Variants in ZFHX3 observed in about 807,000 individuals in gnomAD.
The protein encoded by ZFHX3 is zinc finger homeobox protein 3.
ZFHX3 carries 42 observed loss-of-function variants against 279.1 expected under a neutral mutation model. The ratio of observed to expected loss-of-function variants is 0.15; its 90% confidence interval spans 0.12 to 0.19. ZFHX3 has a LOEUF of 0.19. Ranked by LOEUF, ZFHX3 falls within the 10% of genes least tolerant of loss-of-function variation. The pLI is 1.00. For synonymous variants in ZFHX3, 2,293 were observed against 1,957.8 expected (o/e 1.17, Z -4.52); for missense variants, 4,981 against 4,754.0 (o/e 1.05, Z -1.40).
At chr16:73,456,069 A>C (rs1234149981) in exon 3 of ZFHX3, 1 of 152,138 alleles carries the variant, frequency 6.6e-6, no homozygotes, top group Non-Finnish European at 1.5e-5. Flanking sequence ...AAAATGTCCA[A>C]ACAAGAATAG....
chr16:73,469,152 G>C (rs1394046948), intron 2 of ZFHX3, among the ~76,000 whole-genome samples: 1 of 152,194 alleles, frequency 6.6e-6, no homozygotes, highest in Non-Finnish European at 1.5e-5. Flanking sequence ...CCTCGACCTT[G>C]ATAGATAATC....
intron 3 of ZFHX3, among the ~76,000 whole-genome samples, chr16:72,921,410 C>G (rs7202595): frequency 0.32 from 48,410 of 152,096 alleles, 8,308 homozygotes; most frequent in African/African-American, 0.42. Context: ...TATCGCTCAG[C>G]ATGAAGGAGA....
intron 1 of ZFHX3, among the ~76,000 whole-genome samples, chr16:73,712,194 A>C (rs750143844): frequency 2.0e-5 from 3 of 151,996 alleles, no homozygotes; most frequent in African/African-American, 4.8e-5. Flanking sequence ...TGTGAGGTTG[A>C]GCTTGTGCTC....
At chr16:73,813,055 T>C (rs947862029) in intron 1 of ZFHX3, among the ~76,000 whole-genome samples, 5 of 152,234 alleles carry the variant, frequency 3.3e-5, no homozygotes, top group African/African-American at 9.6e-5. Flanking sequence ...CTACTTTAAA[T>C]AGAGCTGGAA....
rs559604406 is a variant in ZFHX3 at position 73,513,390 on chromosome 16, A to G, written c.-1546-57132T>C. 2.6e-5 allele frequency among the ~76,000 whole-genome samples: 4 copies of G among 152,336 alleles called. 1 individual carries two copies. In the East Asian group the frequency reaches 7.7e-4, roughly 29 times the overall value. On this transcript the variant is annotated intron_variant, in intron 2 of 17. Transcript: ENST00000641206. ...CTCCAGAACAGGAGGCCAGATCCTC[A>G]TGTTGACTGAATCTGTTGCACTGAC...
intron 5 of ZFHX3, among the ~76,000 whole-genome samples, chr16:73,221,922 G>T (rs1472799705): frequency 1.3e-5 from 2 of 151,866 alleles, no homozygotes; most frequent in African/African-American, 2.4e-5. Flanking sequence ...ATGTATTATT[G>T]TACAGACATA....
intron 2 of ZFHX3, among the ~76,000 whole-genome samples, chr16:73,606,277 G>A (rs2052181854): frequency 6.6e-6 from 1 of 150,884 alleles, no homozygotes; most frequent in Non-Finnish European, 1.5e-5. Flanking sequence ...GGAGGCCGAG[G>A]TGGGCAGGTC....
chr16:73,092,362 C>A (rs946478661), intron 8 of ZFHX3: 1 of 152,416 alleles, frequency 6.6e-6, no homozygotes, highest in South Asian at 2.1e-4. Flanking sequence ...TTTAAGACAG[C>A]CTGGTGAGGC....
At chr16:72,858,469 A>G (rs1210464482) in intron 4 of ZFHX3, among the ~76,000 whole-genome samples, 1 of 152,198 alleles carries the variant, frequency 6.6e-6, no homozygotes, top group Non-Finnish European at 1.5e-5. Context: ...GTGAAAATAA[A>G]GAGAGAGTCG....
At chr16:73,449,580 C>T (rs1156957183) in intron 3 of ZFHX3, among the ~76,000 whole-genome samples, 2 of 152,076 alleles carry the variant, frequency 1.3e-5, no homozygotes, top group African/African-American at 2.4e-5. Context: ...CAATGAAGAA[C>T]ATGAATCTAA....
At chr16:73,144,844 T>C (rs1845784012) in intron 5 of ZFHX3, among the ~76,000 whole-genome samples, 2 of 152,196 alleles carry the variant, frequency 1.3e-5, no homozygotes, top group African/African-American at 4.8e-5. Context: ...AACTGTGTTA[T>C]AAAGCACATC....
chr16:73,156,521 G>A (rs1258986886), intron 5 of ZFHX3, among the ~76,000 whole-genome samples: 5 of 152,052 alleles, frequency 3.3e-5, no homozygotes, highest in African/African-American at 1.2e-4. Flanking sequence ...CTAAGCCTTC[G>A]CTCCTGGTCT....
In ZFHX3 at chr16:73,485,221, T is replaced by C. The variant is rs1424144141; in HGVS notation, c.-1546-28963A>G. Among the ~76,000 whole-genome samples the C allele has an allele frequency of 2.0e-5, 3 of 152,048 alleles. No individual in the cohort carries two copies. The East Asian group carries it at 5.8e-4, about 29-fold the overall frequency. ...ACAATGTCAGTGCAGGTGGGACCAA[T>C]GGGTGACTTCAGGAATGGAGTGAGG... On this transcript the variant is annotated intron_variant, in intron 2 of 17. Transcript: ENST00000641206.
chr16:72,911,980 T>C (rs2039330190), intron 3 of ZFHX3, among the ~76,000 whole-genome samples: 1 of 152,220 alleles, frequency 6.6e-6, no homozygotes, highest in South Asian at 2.1e-4. Context: ...ATGTAGACGC[T>C]GTCTAGGGAA....
At chr16:73,663,243 G>A (rs2052803591) in intron 2 of ZFHX3, among the ~76,000 whole-genome samples, 1 of 152,106 alleles carries the variant, frequency 6.6e-6, no homozygotes. Flanking sequence ...TCAGTAGCTT[G>A]CTTCCCATCT....
At chr16:73,111,791 C>T (rs1966377892) in intron 7 of ZFHX3, among the ~76,000 whole-genome samples, 1 of 152,048 alleles carries the variant, frequency 6.6e-6, no homozygotes, top group African/African-American at 2.4e-5. Flanking sequence ...ATTCGCCGTG[C>T]ACCTAACACA....
At chr16:73,109,869 A>AACAAAAACAAAC (rs1460583152) in intron 7 of ZFHX3, among the ~76,000 whole-genome samples, 1 of 151,766 alleles carries the variant, frequency 6.6e-6, no homozygotes, top group Middle Eastern at 3.4e-3. Context: ...CAAAAACAAA[A>AACAAAAACAAAC]ACAAAAACAA....
At chr16:72,830,925 C>G (rs2037045821) in intron 4 of ZFHX3, among the ~76,000 whole-genome samples, 1 of 152,230 alleles carries the variant, frequency 6.6e-6, no homozygotes, top group Admixed American at 6.5e-5. Context: ...ATGCCCACAT[C>G]TGTCAGCAGA....
chr16:72,885,418 T>C (rs923806378), intron 4 of ZFHX3, among the ~76,000 whole-genome samples: 1 of 152,238 alleles, frequency 6.6e-6, no homozygotes, highest in African/African-American at 2.4e-5. Context: ...GAGGAGACCT[T>C]TGCAATTTCT....
Sources: allele counts gnomAD v4.1 joint callset (sites outside exome capture counted in the v4.1 genomes callset), GRCh38; gene constraint gnomAD v4.1.1; transcripts MANE v1.5; gene names NCBI Gene and HGNC (gene_info 2026-07-23, HGNC 2026-07-21).